The following TNFRSF10A variants were observed in gnomAD, a reference collection of about 807,000 sequenced individuals.
TNFRSF10A encodes the protein TNF receptor superfamily member 10a, also known as tumor necrosis factor receptor superfamily member 10A.
Under a neutral mutation model 42.8 loss-of-function variants are expected in TNFRSF10A, and 44 were observed. That is an observed-to-expected ratio of 1.03 (90% CI 0.81 to 1.32). The LOEUF is 1.32. Among genes scored for constraint, TNFRSF10A ranks in the 40% most tolerant of loss-of-function variants. The pLI is 0.00. For synonymous variants in TNFRSF10A, 259 were observed against 234.2 expected (o/e 1.11, Z -0.97); for missense variants, 680 against 602.0 (o/e 1.13, Z -1.36).
intron 1 of TNFRSF10A, among the ~76,000 whole-genome samples, chr8:23,214,661 G>T (rs1196657053): frequency 6.6e-6 from 1 of 152,142 alleles, no homozygotes; most frequent in Non-Finnish European, 1.5e-5. Context: ...CATATAGTGT[G>T]TCCTGGAGAA....
intron 1 of TNFRSF10A, among the ~76,000 whole-genome samples, chr8:23,213,866 C>T (rs955844845): frequency 6.6e-6 from 1 of 152,172 alleles, no homozygotes; most frequent in Non-Finnish European, 1.5e-5. Context: ...TATCCTGTAA[C>T]TTATGGTATA....
chr8:23,224,196 A>G (rs1801297067), intron 1 of TNFRSF10A, among the ~76,000 whole-genome samples: 1 of 146,670 alleles, frequency 6.8e-6, no homozygotes, highest in Non-Finnish European at 1.5e-5. Context: ...GCTACTCGGG[A>G]GGCTGAGGCA....
At chr8:23,192,657 C>T (rs1800772471) in intron 9 of TNFRSF10A, among the ~76,000 whole-genome samples, 1 of 152,212 alleles carries the variant, frequency 6.6e-6, no homozygotes, top group Non-Finnish European at 1.5e-5. Flanking sequence ...TGTTTTCTAA[C>T]AGCCTCATTT....
chr8:23,199,568 T>A, intron 7 of TNFRSF10A, 120 bp from the exon 8 acceptor site: 1 of 1,251,700 alleles, frequency 8.0e-7, no homozygotes, highest in Non-Finnish European at 1.1e-6. Flanking sequence ...AGGAAGTCCA[T>A]GCTCAGCACA....
chr8:23,201,660 G>A (rs1460489349), intron 4 of TNFRSF10A, 148 bp downstream of exon 4: 8 of 694,050 alleles, frequency 1.2e-5, no homozygotes, highest in African/African-American at 1.1e-4. Flanking sequence ...CTCAGGAGAC[G>A]CCACAGGCTC....
At chr8:23,215,130 T>A (rs1801159010) in intron 1 of TNFRSF10A, among the ~76,000 whole-genome samples, 1 of 152,238 alleles carries the variant, frequency 6.6e-6, no homozygotes, top group African/African-American at 2.4e-5. Context: ...GGTAGCTTGC[T>A]CTCAGGTGGT....
At chr8:23,220,957 G>A (rs965921444) in intron 1 of TNFRSF10A, among the ~76,000 whole-genome samples, 10 of 152,236 alleles carry the variant, frequency 6.6e-5, no homozygotes, top group African/African-American at 2.4e-4. Flanking sequence ...ACAACTGGAA[G>A]GAAACGTGGC....
chr8:23,199,583 G>T, intron 7 of TNFRSF10A, 135 bp from the exon 8 acceptor site: 1 of 1,134,810 alleles, frequency 8.8e-7, no homozygotes, highest in Non-Finnish European at 1.2e-6. Context: ...AGCACATCCA[G>T]GACCTGCTGC....
At chr8:23,197,023 T>G in intron 9 of TNFRSF10A, 109 bp downstream of exon 9, 1 of 1,450,890 alleles carries the variant, frequency 6.9e-7, no homozygotes. Context: ...GACCCCCAGT[T>G]TCTGGCATGG....
At position 23,200,604 on chromosome 8, in the gene TNFRSF10A, A is replaced by AGAAAAGACAG. The variant is rs748393757; in HGVS notation, c.704-14_704-5dup. ...ACCCATATATTATGTCCATTGCCTG[A>AGAAAAGACAG]GAAAAGACAGGAAAAGACAGGAGTC... On this transcript the variant is annotated splice_polypyrimidine_tract_variant and splice_region_variant and intron_variant, in intron 5 of 9. Coordinates refer to ENST00000221132, the MANE Select transcript of TNFRSF10A (RefSeq NM_003844.4). 63 of 1,614,112 alleles carry AGAAAAGACAG rather than the reference A, an allele frequency of 3.9e-5. No homozygotes were observed. The highest frequency in any genetic ancestry group is 5.0e-5 in the Non-Finnish European group (59 of 1,180,044).
intron 9 of TNFRSF10A, among the ~76,000 whole-genome samples, chr8:23,194,894 T>G (rs1800801297): frequency 6.6e-6 from 1 of 152,230 alleles, no homozygotes; most frequent in South Asian, 2.1e-4. Context: ...GGCTCATGTC[T>G]GTAATCCCAG....
intron 2 of TNFRSF10A, among the ~76,000 whole-genome samples, chr8:23,205,931 T>G (rs1370445082): frequency 1.3e-5 from 2 of 152,124 alleles, no homozygotes; most frequent in Admixed American, 6.6e-5. Flanking sequence ...TTAGCCAGGA[T>G]GGTCTCGATC....
At chr8:23,215,594 A>G (rs1303999013) in intron 1 of TNFRSF10A, among the ~76,000 whole-genome samples, 1 of 152,216 alleles carries the variant, frequency 6.6e-6, no homozygotes, top group East Asian at 1.9e-4. Flanking sequence ...CTTTAGGAAT[A>G]TTTAAATTAT....
rs1240983770 is a variant in TNFRSF10A, at chr8:23,199,769, C to T, written c.831+117G>A. On this transcript the variant is annotated intron_variant, in intron 7 of 9. Transcript: ENST00000221132. The stretch of plus-strand genomic sequence containing the variant: ...TAGTCAATGCACAGCATCCAGGCCA[C>T]TTCAGAGACTCAGGGCAGCCATGAG... 2.8e-6 allele frequency: 4 copies of T among 1,426,134 alleles called. No homozygotes were observed. In the South Asian group the frequency reaches 3.5e-5, roughly 12 times the overall value. 88.3% of individuals were successfully genotyped at this position (1,426,134 alleles called of 1,614,324 possible).
intron 2 of TNFRSF10A, among the ~76,000 whole-genome samples, chr8:23,207,655 G>C (rs1021009819): frequency 6.6e-6 from 1 of 152,118 alleles, no homozygotes; most frequent in Non-Finnish European, 1.5e-5. Context: ...AATCATGTGG[G>C]GCAGGTCTTT....
intron 3 of TNFRSF10A, among the ~76,000 whole-genome samples, chr8:23,202,176 T>C (rs1421057157): frequency 1.3e-5 from 2 of 152,156 alleles, no homozygotes; most frequent in Non-Finnish European, 2.9e-5. Flanking sequence ...ACCATTTAGA[T>C]CGCATGGTCA....
chr8:23,222,689 T>C (rs887565502), intron 1 of TNFRSF10A, among the ~76,000 whole-genome samples: 1 of 152,162 alleles, frequency 6.6e-6, no homozygotes, highest in Admixed American at 6.5e-5. Context: ...AGGGCTCACG[T>C]TGAAATCTGA....
intron 2 of TNFRSF10A, among the ~76,000 whole-genome samples, chr8:23,205,224 GC>G (rs1408807951): frequency 2.0e-5 from 3 of 152,168 alleles, no homozygotes; most frequent in African/African-American, 7.2e-5. Flanking sequence ...TTATAGTCAC[GC>G]ACTGCATGAT....
intron 2 of TNFRSF10A, among the ~76,000 whole-genome samples, chr8:23,203,838 G>A (rs1314968142): frequency 4.0e-5 from 6 of 150,008 alleles, no homozygotes; most frequent in Non-Finnish European, 7.4e-5. Flanking sequence ...GTTCAGTGGC[G>A]TGATCTTGGC....
Sources: allele counts gnomAD v4.1 joint callset (sites outside exome capture counted in the v4.1 genomes callset), GRCh38; gene constraint gnomAD v4.1.1; transcripts MANE v1.5; gene names NCBI Gene and HGNC (gene_info 2026-07-23, HGNC 2026-07-21).